Variants in GRM2 observed in about 807,000 individuals in gnomAD.
GRM2 encodes the protein metabotropic glutamate receptor 2.
GRM2 carries 35 observed loss-of-function variants against 60.4 expected under a neutral mutation model. The ratio of observed to expected loss-of-function variants is 0.58; its 90% CI spans 0.44 to 0.77. The LOEUF is 0.77. GRM2 is among the 30% of genes least tolerant of loss of function. The probability of loss-of-function intolerance (pLI) is 0.00; values close to 1 mark genes in which losing one functional copy is unlikely to be tolerated. For synonymous variants in GRM2, 437 were observed against 484.1 expected (o/e 0.90, Z 1.28); for missense variants, 925 against 1,199.5 (o/e 0.77, Z 3.38).
In GRM2 at chr3:51,708,848, G is replaced by A. The variant is rs1703591842; in HGVS notation, c.-136G>A. ...TTTCTGTCTTTCTATCTCTCTGCAG[G>A]AGCTGGGTCCCTTCGCATCTCTCTT... On this transcript the variant is annotated splice_region_variant and 5_prime_UTR_variant, in exon 2 of 6. Coordinates refer to ENST00000395052, the MANE Select transcript of GRM2 (RefSeq NM_000839.5). 4 of 621,264 alleles carry A rather than the reference G, an allele frequency of 6.4e-6. No individual in the cohort carries two copies. In the South Asian group the frequency reaches 9.8e-5, roughly 15 times the overall value. 38.5% of individuals were successfully genotyped at this position (621,264 alleles called of 1,614,324 possible).
rs1199210613 is a variant in GRM2, at chr3:51,714,939, G to A, written c.1289-123G>A. The A allele has an allele frequency of 1.0e-5, 6 of 578,962 alleles. No individual in the cohort carries two copies. The East Asian group carries it at 1.8e-4, about 17-fold the overall frequency. The allele number at this position is 578,962 out of a possible 1,614,324, so 35.9% of individuals were successfully genotyped here. ...AAGGCAGGATTTAGTATTGGGTTAAGGATTGGAAGGGCTAATGGTGGTCTT... is the reference window on the plus strand; with the variant it reads ...AAGGCAGGATTTAGTATTGGGTTAAAGATTGGAAGGGCTAATGGTGGTCTT... On this transcript the variant is annotated intron_variant, in intron 3 of 5. Transcript: ENST00000395052.
Position 51,715,059 on chromosome 3 carries a change from TA to T in GRM2, c.1289-2del. 1 of 1,535,006 alleles carries T rather than the reference TA, an allele frequency of 6.5e-7. No individual in the cohort carries two copies. On this transcript the variant is annotated splice_acceptor_variant, in intron 3 of 5. Coordinates refer to ENST00000395052, the MANE Select transcript of GRM2 (RefSeq NM_000839.5). LOFTEE classifies it high-confidence loss of function. The surrounding 1 kb of genome is among the most constrained non-coding windows in gnomAD (Gnocchi z 9.0). Reference sequence around the variant, plus strand: ...CTTCTCTTCCTTCCCTCCCCCATCCTAGCCCCCTTTCGCCCAGCTGACACCC... The same window carrying T: ...CTTCTCTTCCTTCCCTCCCCCATCCTGCCCCCTTTCGCCCAGCTGACACCC...
Position 51,712,636 on chromosome 3 carries a change from C to T in GRM2, c.614C>T (p.Thr205Ile). Reference protein sequence around the residue: ...MAEILRFFNWTYVSTVASEGD... With the variant: ...MAEILRFFNWIYVSTVASEGD... ...GAGATTCTCCGCTTCTTCAACTGGA[C>T]CTATGTGTCCACTGTGGCGTCTGAG... The change falls in exon 3 of 6, where the codon ACC becomes ATC. Residue 205 changes from threonine to isoleucine, a missense_variant. By Grantham distance (89) the Thr-to-Ile change is moderately conservative. Coordinates refer to ENST00000395052, the MANE Select transcript of GRM2 (RefSeq NM_000839.5). The surrounding 1 kb of genome is among the most constrained non-coding windows in gnomAD (Gnocchi z 5.3). 2 of 1,614,142 alleles carry T rather than the reference C, an allele frequency of 1.2e-6. No homozygotes were observed. The highest frequency in any genetic ancestry group is 8.5e-7 in the Non-Finnish European group (1 of 1,180,036).
At position 51,715,022 on chromosome 3, in the gene GRM2, C is replaced by A. The variant is rs1703842965; in HGVS notation, c.1289-40C>A. On this transcript the variant is annotated intron_variant, in intron 3 of 5. Transcript: ENST00000395052. This position sits in a 1 kb window ranked among gnomAD's most constrained non-coding sequence, Gnocchi z 9.0. ...ATGTTGAGGTCACATCAGGGTAACA[C>A]ACTAGTCCAACCTTCTCTTCCTTCC... 2 of 1,303,192 alleles carry A rather than the reference C, an allele frequency of 1.5e-6. No homozygotes were observed. The highest frequency in any genetic ancestry group is 2.3e-5 in the East Asian group (1 of 42,852). 80.7% of individuals were successfully genotyped at this position (1,303,192 alleles called of 1,614,324 possible).
Position 51,715,266 on chromosome 3 carries a change from CT to C in GRM2, c.1494del (p.Arg499AlafsTer11), listed in dbSNP as rs762258018. 1.2e-5 allele frequency: 20 copies of C among 1,609,442 alleles called. No homozygotes were observed. Among genetic ancestry groups the C allele is most frequent in the African/African-American group, 2.7e-5 (2 of 74,900 alleles). ...ASPSAGPLPASRCSEPCLQNE... is the reference protein window; with the variant it reads ...ASPSAGPLPAXRCSEPCLQNE... ...CCCTCAGCCGGCCCCCTGCCCGCCT[CT>C]CGCTGCAGTGAGCCCTGCCTCCAGA... is the stretch of plus-strand genomic sequence containing the variant. On this transcript the variant is annotated frameshift_variant, in exon 4 of 6. Transcript: ENST00000395052. LOFTEE classifies it high-confidence loss of function. The surrounding 1 kb of genome is among the most constrained non-coding windows in gnomAD (Gnocchi z 9.0).
chr3:51,710,499 T>A (rs1471855761), intron 2 of GRM2, among the ~76,000 whole-genome samples: 2 of 152,170 alleles, frequency 1.3e-5, no homozygotes, highest in Non-Finnish European at 2.9e-5. Context: ...TGAAATCGGC[T>A]CTCGGCCAAG....
rs992557246 is a variant in GRM2 at position 51,718,548 on chromosome 3, G to A, written c.*436G>A. ...TATTGTGGGGGCTGCCCCTCCCCCT[G>A]CACAGTAGTTTGTCCTGTGGTTTAT... On this transcript the variant is annotated 3_prime_UTR_variant, in exon 6 of 6. Transcript: ENST00000395052. This position sits in a 1 kb window ranked among gnomAD's most constrained non-coding sequence, Gnocchi z 4.2. 3.9e-5 allele frequency: 7 copies of A among 180,520 alleles called. No homozygotes were observed. The highest frequency in any genetic ancestry group is 2.2e-4 in the Admixed American group (4 of 18,020). 11.2% of individuals were successfully genotyped at this position (180,520 alleles called of 1,614,324 possible). A position where few individuals can be genotyped will look rare whatever the true frequency, so the allele number is the denominator to read the frequency against.
At position 51,713,286 on chromosome 3, in the gene GRM2, T is replaced by C. The variant is rs759078547; in HGVS notation, c.1264T>C (p.Phe422Leu). The C allele has an allele frequency of 5.6e-6, 9 of 1,609,766 alleles. No homozygotes were observed. The highest frequency in any genetic ancestry group is 5.9e-6 in the Non-Finnish European group (7 of 1,177,502). The part of the protein sequence containing the change: ...PVNGRRLYKD[F>L]VLNVKFDAPF... ...TAACGGGCGCCGCCTCTACAAGGAC[T>C]TTGTGCTCAACGTCAAGTTTGATGG... Residue 422 changes from phenylalanine (F) to leucine (L), a missense_variant, in exon 3 of 6, where the codon TTT becomes CTT. By Grantham distance (22) the Phe-to-Leu change is conservative. Transcript: ENST00000395052. This position sits in a 1 kb window ranked among gnomAD's most constrained non-coding sequence, Gnocchi z 4.8.
Position 51,717,273 on chromosome 3 carries a change from A to T in GRM2, c.2365-364A>T, listed in dbSNP as rs1005103053. Among the ~76,000 whole-genome samples, 3 of 151,892 alleles carry T rather than the reference A, an allele frequency of 2.0e-5. No individual in the cohort carries two copies. The highest frequency in any genetic ancestry group is 6.6e-5 in the Admixed American group (1 of 15,258). ...GCACCCTACACTCACGCACACATACACTCACGCAGACACCTGCAGAAATTC... is the reference window on the plus strand; with the variant it reads ...GCACCCTACACTCACGCACACATACTCTCACGCAGACACCTGCAGAAATTC... On this transcript the variant is annotated intron_variant, in intron 4 of 5. Coordinates refer to ENST00000395052, the MANE Select transcript of GRM2 (RefSeq NM_000839.5). The surrounding 1 kb of genome is among the most constrained non-coding windows in gnomAD (Gnocchi z 6.0).
intron 3 of GRM2, chr3:51,714,754 T>C (rs1703836496): frequency 3.5e-6 from 1 of 286,928 alleles, no homozygotes; most frequent in Non-Finnish European, 6.5e-6. Flanking sequence ...AAAGTTGAAT[T>C]TGGGGAGTCA....
In GRM2 at chr3:51,709,432, A is replaced by G. The variant is rs1428377888; in HGVS notation, c.449A>G (p.Gln150Arg). 6.5e-7 allele frequency: 1 copy of G among 1,527,634 alleles called. No individual in the cohort carries two copies. Among genetic ancestry groups the G allele is most frequent in the East Asian group, 2.3e-5 (1 of 42,850 alleles). The allele number at this position is 1,527,634 out of a possible 1,614,324, so 94.6% of individuals were successfully genotyped here. The change falls in exon 2 of 6, where the codon CAG (glutamine) becomes CGG (arginine). Residue 150 changes from glutamine to arginine, a missense_variant and splice_region_variant. Coordinates refer to ENST00000395052, the MANE Select transcript of GRM2 (RefSeq NM_000839.5). ...GGTTCCTACAGTGATGTCTCCATCCAGGTACGTGGAAGCCACCCAAATGGG... is the reference window on the plus strand; with the variant it reads ...GGTTCCTACAGTGATGTCTCCATCCGGGTACGTGGAAGCCACCCAAATGGG... Reference protein sequence around the residue: ...IGGSYSDVSIQVANLLRLFQI... With the variant: ...IGGSYSDVSIRVANLLRLFQI...
In GRM2 at chr3:51,712,895, G is replaced by C; in HGVS notation, c.873G>C (p.Trp291Cys). 6.2e-7 allele frequency: 1 copy of C among 1,613,018 alleles called. No individual in the cohort carries two copies. The highest frequency in any genetic ancestry group is 8.5e-7 in the Non-Finnish European group (1 of 1,180,036). ...ASQRLNASFT[W>C]VASDGWGALE... ...AGCGCCTCAATGCCAGCTTCACCTG[G>C]GTGGCCAGTGATGGTTGGGGGGCCC... The change falls in exon 3 of 6, where the codon TGG (tryptophan) becomes TGC (cysteine). Residue 291 changes from tryptophan to cysteine, a missense_variant. Physicochemically the swap from Trp to Cys is radical, Grantham distance 215. Coordinates refer to ENST00000395052, the MANE Select transcript of GRM2 (RefSeq NM_000839.5). The surrounding 1 kb of genome is among the most constrained non-coding windows in gnomAD (Gnocchi z 5.3).
In GRM2 at chr3:51,708,957, C is replaced by A. The variant is rs201568367; in HGVS notation, c.-27C>A. 1.3e-6 allele frequency: 2 copies of A among 1,516,266 alleles called. No individual in the cohort carries two copies. Among genetic ancestry groups the A allele is most frequent in the African/African-American group, 1.4e-5 (1 of 72,812 alleles). 93.9% of individuals were successfully genotyped at this position (1,516,266 alleles called of 1,614,324 possible). On this transcript the variant is annotated 5_prime_UTR_variant, in exon 2 of 6. Transcript: ENST00000395052. ...CTCATCCCCTGGAGACCCAGGTCTG[C>A]GGGACCCATCCATCCCCTTTGGGGC...
At position 51,709,320 on chromosome 3, in the gene GRM2, G is replaced by A. The variant is rs1257918617; in HGVS notation, c.337G>A (p.Gly113Ser). Reference protein sequence around the residue: ...LDFVRASLSRGADGSRHICPD... With the variant: ...LDFVRASLSRSADGSRHICPD... The stretch of plus-strand genomic sequence containing the variant: ...CTTTGTGCGTGCCTCACTCAGCCGT[G>A]GTGCTGATGGCTCACGCCACATCTG... The change falls in exon 2 of 6, where the codon GGT becomes AGT. Residue 113 changes from glycine (G) to serine (S), a missense_variant. Gly to Ser is a moderately conservative substitution (Grantham distance 56). Transcript: ENST00000395052. 1.2e-6 allele frequency: 2 copies of A among 1,602,852 alleles called. No individual in the cohort carries two copies. The highest frequency in any genetic ancestry group is 1.7e-6 in the Non-Finnish European group (2 of 1,171,724).
chr3:51,717,988 C>T lies in GRM2; in HGVS notation c.2546-51C>T. ...CAGCCCTGCTTCCCCACTGCCTGCC[C>T]TCCATGGAGGACCTCGGGATTGGCC... On this transcript the variant is annotated intron_variant, in intron 5 of 5. Coordinates refer to ENST00000395052, the MANE Select transcript of GRM2 (RefSeq NM_000839.5). The surrounding 1 kb of genome is among the most constrained non-coding windows in gnomAD (Gnocchi z 6.0). 1 of 1,557,460 alleles carries T rather than the reference C, an allele frequency of 6.4e-7. No individual in the cohort carries two copies.
In GRM2 at chr3:51,718,150, G is replaced by A. The variant is rs145688715; in HGVS notation, c.*38G>A. On this transcript the variant is annotated 3_prime_UTR_variant, in exon 6 of 6. Transcript: ENST00000395052. This position sits in a 1 kb window ranked among gnomAD's most constrained non-coding sequence, Gnocchi z 4.2. ...CCCGCCCTGACACAGCTGCTCCTGG[G>A]AACCTAGTGCAGACCCACGTCCAGG... 7.1e-3 allele frequency: 11,093 copies of A among 1,563,640 alleles called. 61 individuals are homozygous for A. Among genetic ancestry groups the A allele is most frequent in the Non-Finnish European group, 8.7e-3 (9,896 of 1,133,886 alleles).
rs150541822 is a variant in GRM2, at chr3:51,716,746, C to T, written c.2364+609C>T. Reference sequence around the variant, plus strand: ...AGATTATCTTGGTTAATCTTCATAACTTGAGTAAGCTCCATGGCTCTCCCG... The same window carrying T: ...AGATTATCTTGGTTAATCTTCATAATTTGAGTAAGCTCCATGGCTCTCCCG... On this transcript the variant is annotated intron_variant, in intron 4 of 5. Transcript: ENST00000395052. The surrounding 1 kb of genome is among the most constrained non-coding windows in gnomAD (Gnocchi z 4.0). Among the ~76,000 whole-genome samples the T allele has an allele frequency of 2.6e-5, 4 of 152,324 alleles. No individual in the cohort carries two copies. The East Asian group carries it at 7.7e-4, about 29-fold the overall frequency.
Position 51,709,097 on chromosome 3 carries a change from C to A in GRM2, c.114C>A (p.Phe38Leu). ...GAGACTTGGTGCTGGGTGGGCTGTT[C>A]CCAGTGCACCAGAAGGGCGGCCCAG... is the stretch of plus-strand genomic sequence containing the variant. ...LEGDLVLGGLFPVHQKGGPAE... is the reference protein window; with the variant it reads ...LEGDLVLGGLLPVHQKGGPAE... Residue 38 changes from phenylalanine to leucine, a missense_variant, in exon 2 of 6, where the codon TTC becomes TTA. Transcript: ENST00000395052. The A allele has an allele frequency of 6.2e-7, 1 of 1,610,696 alleles. No homozygotes were observed. Among genetic ancestry groups the A allele is most frequent in the Non-Finnish European group, 8.5e-7 (1 of 1,177,818 alleles).
chr3:51,717,734 C>CCA lies in GRM2; in HGVS notation c.2462_2463insCA (p.Gln822SerfsTer60). 1 of 1,614,130 alleles carries CCA rather than the reference C, an allele frequency of 6.2e-7. No homozygotes were observed. The highest frequency in any genetic ancestry group is 8.5e-7 in the Non-Finnish European group (1 of 1,180,010). ...AAGCTGCACATCATCCTCTTCCAGC[C>CCA]GCAGAAGAACGTGGTTAGCCACCGG... On this transcript the variant is annotated frameshift_variant, in exon 5 of 6. Coordinates refer to ENST00000395052, the MANE Select transcript of GRM2 (RefSeq NM_000839.5). LOFTEE classifies it high-confidence loss of function. The surrounding 1 kb of genome is among the most constrained non-coding windows in gnomAD (Gnocchi z 6.0).
Sources: allele counts gnomAD v4.1 joint callset (sites outside exome capture counted in the v4.1 genomes callset), GRCh38; gene constraint gnomAD v4.1.1; non-coding constraint Gnocchi (gnomAD v3.1); transcripts MANE v1.5; gene names NCBI Gene and HGNC (gene_info 2026-07-23, HGNC 2026-07-21).